The following PPARGC1A variants were observed in gnomAD, a reference collection of about 807,000 sequenced individuals.
PPARGC1A encodes peroxisome proliferator-activated receptor gamma coactivator 1-alpha.
PPARGC1A carries 25 observed loss-of-function variants against 88.7 expected under a neutral mutation model. That is an observed-to-expected ratio of 0.28 (90% CI 0.21 to 0.39). The LOEUF (loss-of-function observed/expected upper bound fraction) is 0.39, where lower values mean the gene tolerates loss of function less well. Ranked by LOEUF, PPARGC1A falls within the 10% of genes least tolerant of loss-of-function variation. The pLI is 1.00. For synonymous variants in PPARGC1A, 363 were observed against 355.6 expected, an observed-to-expected ratio of 1.02 and a Z score of -0.24; for missense variants, 880 against 968.7, an observed-to-expected ratio of 0.91 and a Z score of 1.22.
chr4:23,798,130 C>T (rs1209625845), intron 12 of PPARGC1A, among the ~76,000 whole-genome samples: 1 of 152,080 alleles, frequency 6.6e-6, no homozygotes, highest in African/African-American at 2.4e-5. Context: ...AACGGCCCCA[C>T]CCCATCTCCC....
At chr4:24,257,813 G>C in the PPARGC1A span, among the ~76,000 whole-genome samples, 1 of 152,112 alleles carries the variant, frequency 6.6e-6, no homozygotes, top group African/African-American at 2.4e-5. Context: ...GACATAAAGT[G>C]ACTGCTCAAA....
At chr4:23,813,646 C>T (rs762799048) in intron 8 of PPARGC1A, 44 bp downstream of exon 8, 1 of 1,435,226 alleles carries the variant, frequency 7.0e-7, no homozygotes, top group Non-Finnish European at 9.4e-7. Context: ...TTTTTTACTT[C>T]TTAGGAACAC....
At chr4:24,433,823 G>A in the PPARGC1A span, among the ~76,000 whole-genome samples, 4 of 152,046 alleles carry the variant, frequency 2.6e-5, no homozygotes, top group African/African-American at 9.7e-5. Flanking sequence ...GATTTTTATT[G>A]CTGAAACTCA....
At chr4:24,339,212 GTATATA>G in the PPARGC1A span, among the ~76,000 whole-genome samples, 2,451 of 58,772 alleles carry the variant, frequency 0.042, 48 homozygotes, top group East Asian at 0.19. Flanking sequence ...GTGTGTGTGT[GTATATA>G]TATATATATA....
the PPARGC1A span, among the ~76,000 whole-genome samples, chr4:24,227,529 A>C: frequency 2.0e-5 from 3 of 152,238 alleles, no homozygotes; most frequent in Non-Finnish European, 4.4e-5. Flanking sequence ...GAAATTAAAT[A>C]AACAAATAAA....
At position 23,877,916 on chromosome 4, in the gene PPARGC1A, G is replaced by T. The variant is rs1201216276; in HGVS notation, c.234+6836C>A. The T allele has an allele frequency of 1.3e-5, 2 of 152,234 alleles. 1 individual carries two copies. The highest frequency in any genetic ancestry group is 2.9e-5 in the Non-Finnish European group (2 of 68,088). The allele number at this position is 152,234 out of a possible 1,614,324, so 9.4% of individuals were successfully genotyped here. ...ACAAATAAACACAGCAAGTGTATAA[G>T]GTCTCCACACAGACACATGGTTGCT... On this transcript the variant is annotated intron_variant, in intron 2 of 12. Transcript: ENST00000264867.
the PPARGC1A span, among the ~76,000 whole-genome samples, chr4:24,224,566 T>C: frequency 6.6e-6 from 1 of 152,188 alleles, no homozygotes; most frequent in Non-Finnish European, 1.5e-5. Flanking sequence ...TGAAAATATT[T>C]ACTGAGCATG....
At chr4:24,440,083 A>G in the PPARGC1A span, among the ~76,000 whole-genome samples, 4 of 152,248 alleles carry the variant, frequency 2.6e-5, no homozygotes, top group African/African-American at 7.2e-5. Context: ...CTGAGTCCCT[A>G]TAACAATAAT....
chr4:24,353,103 A>G, the PPARGC1A span, among the ~76,000 whole-genome samples: 2 of 151,944 alleles, frequency 1.3e-5, no homozygotes. Flanking sequence ...ATCTGATCTG[A>G]CTGGTATTGC....
the PPARGC1A span, among the ~76,000 whole-genome samples, chr4:24,444,784 G>T: frequency 1.3e-5 from 2 of 152,300 alleles, no homozygotes; most frequent in East Asian, 3.9e-4. Context: ...CAAAAGCCAG[G>T]TGCAGTGGCT....
chr4:24,387,758 G>GAAAGAAAGAAAGAA, the PPARGC1A span, among the ~76,000 whole-genome samples: 4 of 62,310 alleles, frequency 6.4e-5, no homozygotes, highest in Admixed American at 1.9e-4. Context: ...GAGAGAGAGA[G>GAAAGAAAGAAAGAA]AGAGAGAGAG....
intron 3 of PPARGC1A, 197 bp from the exon 4 acceptor site, chr4:23,829,782 C>T (rs1724671433): frequency 5.7e-6 from 2 of 347,900 alleles, no homozygotes; most frequent in Admixed American, 4.5e-5. Context: ...TTTGGCATTA[C>T]ACTACCAACT....
chr4:23,947,835 G>C, the PPARGC1A span, among the ~76,000 whole-genome samples: 2 of 152,064 alleles, frequency 1.3e-5, no homozygotes, highest in African/African-American at 4.8e-5. Context: ...GGCAGAGAGT[G>C]GGCACAGGGA....
At chr4:23,853,217 AG>A (rs1481450411) in intron 2 of PPARGC1A, among the ~76,000 whole-genome samples, 4 of 152,304 alleles carry the variant, frequency 2.6e-5, no homozygotes, top group Admixed American at 2.0e-4. Flanking sequence ...AAGTACAGAA[AG>A]GGGTTAGTTT....
chr4:24,264,100 A>G, the PPARGC1A span, among the ~76,000 whole-genome samples: 1 of 151,992 alleles, frequency 6.6e-6, no homozygotes, highest in African/African-American at 2.4e-5. Flanking sequence ...TTATTGTAAG[A>G]ATAAAGTATA....
At chr4:23,837,313 T>A (rs1162622137) in intron 2 of PPARGC1A, among the ~76,000 whole-genome samples, 1 of 152,072 alleles carries the variant, frequency 6.6e-6, no homozygotes, top group Non-Finnish European at 1.5e-5. Flanking sequence ...AGCCTCTAAT[T>A]TTTTTTCTGT....
At chr4:23,865,985 G>A (rs1711883402) in intron 2 of PPARGC1A, 1 of 152,058 alleles carries the variant, frequency 6.6e-6, no homozygotes, top group African/African-American at 2.4e-5. Flanking sequence ...ACATGTACAT[G>A]TGCACTTAGA....
the PPARGC1A span, among the ~76,000 whole-genome samples, chr4:24,049,308 G>GTGTATATA: frequency 5.0e-3 from 696 of 139,514 alleles, 8 homozygotes; most frequent in Middle Eastern, 0.034. Context: ...ATATATGTGT[G>GTGTATATA]TATATATATA....
the PPARGC1A span, among the ~76,000 whole-genome samples, chr4:23,962,839 C>T: frequency 3.9e-5 from 6 of 152,140 alleles, no homozygotes; most frequent in Admixed American, 1.3e-4. Context: ...GAAAGCTGCA[C>T]AGCAAGAAGC....
Sources: gnomAD v4.1 joint callset for allele counts (sites outside exome capture counted in the v4.1 genomes callset) on GRCh38, gnomAD v4.1.1 for gene constraint, MANE v1.5 for transcripts, NCBI Gene and HGNC (gene_info 2026-07-23, HGNC 2026-07-21) for gene names.